Variants in TP53INP1 observed in about 807,000 individuals in gnomAD.
TP53INP1 encodes tumor protein p53 inducible nuclear protein 1.
TP53INP1 carries 12 observed loss-of-function variants against 21.0 expected under a neutral mutation model. The observed-to-expected ratio is 0.57, with a 90% CI of 0.37 to 0.93. The LOEUF (loss-of-function observed/expected upper bound fraction) is 0.93, where lower values mean the gene tolerates loss of function less well. Ranked by LOEUF, TP53INP1 falls within the 40% of genes least tolerant of loss-of-function variation. The pLI is 0.01. For synonymous variants in TP53INP1, 91 were observed against 94.8 expected (o/e 0.96, Z 0.23); for missense variants, 274 against 294.7 (o/e 0.93, Z 0.51).
chr8:94,947,320 A>G (rs1003431920), intron 1 of TP53INP1, among the ~76,000 whole-genome samples: 85 of 151,838 alleles, frequency 5.6e-4, no homozygotes, highest in African/African-American at 2.0e-3. Context: ...TTGATGATCT[A>G]ACTTCTAAAT....
intron 1 of TP53INP1, among the ~76,000 whole-genome samples, chr8:94,944,964 G>A (rs1821861758): frequency 6.6e-6 from 1 of 152,156 alleles, no homozygotes; most frequent in African/African-American, 2.4e-5. Flanking sequence ...AGGAGCTATT[G>A]GAGAGACCCT....
chr8:94,948,627 G>C (rs896853), intron 1 of TP53INP1, among the ~76,000 whole-genome samples: 75,009 of 151,988 alleles, frequency 0.49, 19,079 homozygotes, highest in East Asian at 0.72. Flanking sequence ...ATCGCAGGGC[G>C]GGGACAGAGC....
rs1156565297 is a variant in TP53INP1 at position 94,929,974 on chromosome 8, A to T, written c.*505T>A. On this transcript the variant is annotated 3_prime_UTR_variant, in exon 4 of 4. Transcript: ENST00000342697. ...AAGAAAGTCCAGCCATAATTCCATT[A>T]TATCCATGGCAACTATCACCTGTTA... The T allele has an allele frequency of 6.5e-6, 1 of 153,528 alleles. No individual in the cohort carries two copies. Among genetic ancestry groups the T allele is most frequent in the Non-Finnish European group, 1.5e-5 (1 of 68,712 alleles). 9.5% of individuals were successfully genotyped at this position (153,528 alleles called of 1,614,324 possible). A position where few individuals can be genotyped will look rare whatever the true frequency, so the allele number is the denominator to read the frequency against.
In TP53INP1 at chr8:94,940,955, C is replaced by T; in HGVS notation, c.-14G>A. The T allele has an allele frequency of 6.2e-7, 1 of 1,601,006 alleles. No homozygotes were observed. The highest frequency in any genetic ancestry group is 1.3e-5 in the African/African-American group (1 of 74,634). Reference sequence around the variant, plus strand: ...CCTCTGGAACATTGTTAAGGCAAGACTGAGAGTTTGGCTGGATGTCTTTTA... The same window carrying T: ...CCTCTGGAACATTGTTAAGGCAAGATTGAGAGTTTGGCTGGATGTCTTTTA... On this transcript the variant is annotated 5_prime_UTR_variant, in exon 2 of 4. Coordinates refer to ENST00000342697, the MANE Select transcript of TP53INP1 (RefSeq NM_033285.4).
rs1175401268 is a variant in TP53INP1, at chr8:94,927,788, T to C, written c.*2691A>G. The C allele has an allele frequency of 1.3e-5, 2 of 152,608 alleles. No individual in the cohort carries two copies. The highest frequency in any genetic ancestry group is 2.9e-5 in the Non-Finnish European group (2 of 68,034). 9.5% of individuals were successfully genotyped at this position (152,608 alleles called of 1,614,324 possible). ...TGTGTACACCACATATTCCAGACTT[T>C]TTCCAAGTAACATTCTATGTTAACA... On this transcript the variant is annotated 3_prime_UTR_variant, in exon 4 of 4. Coordinates refer to ENST00000342697, the MANE Select transcript of TP53INP1 (RefSeq NM_033285.4).
Position 94,940,156 on chromosome 8 carries a change from AG to A in TP53INP1, c.176del (p.Pro59LeufsTer51). ...EEEEDISEESPTEHPSVFSCL... is the reference protein window; with the variant it reads ...EEEEDISEESXTEHPSVFSCL... ...AGGAAAAGACTGAAGGGTGCTCAGT[AG>A]GTGACTCTTCACTGATGTCCTCCTC... On this transcript the variant is annotated frameshift_variant, in exon 3 of 4. Transcript: ENST00000342697. LOFTEE classifies it high-confidence loss of function. 6.2e-7 allele frequency: 1 copy of A among 1,614,162 alleles called. No homozygotes were observed. The highest frequency in any genetic ancestry group is 8.5e-7 in the Non-Finnish European group (1 of 1,179,998).
At chr8:94,933,672 T>G (rs1407654363) in intron 3 of TP53INP1, among the ~76,000 whole-genome samples, 1 of 151,598 alleles carries the variant, frequency 6.6e-6, no homozygotes, top group Non-Finnish European at 1.5e-5. Flanking sequence ...GGCTGAGGCA[T>G]GAGAATTGCT....
chr8:94,948,941 C>T (rs1037382992), intron 1 of TP53INP1, among the ~76,000 whole-genome samples: 1 of 151,094 alleles, frequency 6.6e-6, no homozygotes, highest in African/African-American at 2.4e-5. Flanking sequence ...CCCTGGGCCC[C>T]GGGGGCCGCC....
chr8:94,934,558 G>A (rs1820778779), intron 3 of TP53INP1, among the ~76,000 whole-genome samples: 1 of 151,864 alleles, frequency 6.6e-6, no homozygotes, highest in African/African-American at 2.4e-5. Context: ...GCTAATTTTT[G>A]TATTTTTAAG....
chr8:94,938,261 G>A (rs1372960677), intron 3 of TP53INP1, among the ~76,000 whole-genome samples: 1 of 152,206 alleles, frequency 6.6e-6, no homozygotes, highest in Non-Finnish European at 1.5e-5. Context: ...ATGATGGATG[G>A]AATGAATTAC....
intron 1 of TP53INP1, among the ~76,000 whole-genome samples, chr8:94,943,827 G>C (rs1438681140): frequency 1.3e-5 from 2 of 152,306 alleles, no homozygotes; most frequent in East Asian, 3.9e-4. Context: ...AGTGTCACTT[G>C]CATAACCAGT....
In TP53INP1 at chr8:94,941,047, G is replaced by T; in HGVS notation, c.-106C>A. On this transcript the variant is annotated 5_prime_UTR_variant, in exon 2 of 4. The change creates a new upstream start codon in the 5' untranslated region. Transcript: ENST00000342697. ...TACCGACAGGAGATTAAAGTGCACA[G>T]GGTGCTTATTCAACTTAGGTGAAAA... 1.3e-6 allele frequency: 1 copy of T among 760,212 alleles called. No individual in the cohort carries two copies. Among genetic ancestry groups the T allele is most frequent in the African/African-American group, 1.8e-5 (1 of 57,118 alleles). The allele number at this position is 760,212 out of a possible 1,614,324, so 47.1% of individuals were successfully genotyped here.
At chr8:94,932,631 G>A (rs1274371774) in intron 3 of TP53INP1, among the ~76,000 whole-genome samples, 4 of 151,832 alleles carry the variant, frequency 2.6e-5, no homozygotes, top group South Asian at 4.2e-4. Context: ...GTGAAACCCC[G>A]TCTCTACTAA....
In TP53INP1 at chr8:94,930,291, AAAGGC is replaced by A. The variant is rs1252604398; in HGVS notation, c.*183_*187del. On this transcript the variant is annotated 3_prime_UTR_variant, in exon 4 of 4. Coordinates refer to ENST00000342697, the MANE Select transcript of TP53INP1 (RefSeq NM_033285.4). ...AAAGTGTACAAAAAAAGTAAATGTT[AAAGGC>A]AAGGCATTATGTGATACACAGCATA... 6 of 714,240 alleles carry A rather than the reference AAAGGC, an allele frequency of 8.4e-6. No homozygotes were observed. The highest frequency in any genetic ancestry group is 2.8e-5 in the East Asian group (1 of 35,978). The allele number at this position is 714,240 out of a possible 1,614,324, so 44.2% of individuals were successfully genotyped here. A position where few individuals can be genotyped will look rare whatever the true frequency, so the allele number is the denominator to read the frequency against.
At chr8:94,935,114 C>G (rs201333222) in intron 3 of TP53INP1, among the ~76,000 whole-genome samples, 30 of 122,082 alleles carry the variant, frequency 2.5e-4, no homozygotes, top group Non-Finnish European at 3.6e-4. Flanking sequence ...TAGGTAGGTA[C>G]ATAGGTAGAT....
chr8:94,933,173 GC>G (rs1820596104), intron 3 of TP53INP1, among the ~76,000 whole-genome samples: 2 of 152,156 alleles, frequency 1.3e-5, no homozygotes, highest in Non-Finnish European at 2.9e-5. Flanking sequence ...CCGAGATTGC[GC>G]CGCTGCAATC....
At chr8:94,948,368 A>T (rs1822200396) in intron 1 of TP53INP1, among the ~76,000 whole-genome samples, 2 of 152,194 alleles carry the variant, frequency 1.3e-5, no homozygotes, top group Non-Finnish European at 2.9e-5. Flanking sequence ...CGATAAAGCA[A>T]AGCCCCCAGC....
intron 1 of TP53INP1, among the ~76,000 whole-genome samples, chr8:94,941,417 T>C (rs955475552): frequency 6.6e-6 from 1 of 152,178 alleles, no homozygotes; most frequent in Non-Finnish European, 1.5e-5. Context: ...TTCTAGATAG[T>C]AACAGTCTTG....
At chr8:94,947,235 A>G (rs967048604) in intron 1 of TP53INP1, among the ~76,000 whole-genome samples, 3 of 151,782 alleles carry the variant, frequency 2.0e-5, no homozygotes, top group Non-Finnish European at 4.4e-5. Flanking sequence ...TTCAGAAAAC[A>G]GCCCTTTTCA....
Sources: gnomAD v4.1 joint callset for allele counts (sites outside exome capture counted in the v4.1 genomes callset) on GRCh38, gnomAD v4.1.1 for gene constraint, MANE v1.5 for transcripts, NCBI Gene and HGNC (gene_info 2026-07-23, HGNC 2026-07-21) for gene names.